The following WDR35 variants were observed in gnomAD, a reference collection of about 807,000 sequenced individuals.
The protein encoded by WDR35 is WD repeat-containing protein 35.
A neutral mutation model predicts 158.3 loss-of-function variants in WDR35; 118 were observed. The ratio of observed to expected loss-of-function variants is 0.75; its 90% confidence interval spans 0.64 to 0.87. The LOEUF (loss-of-function observed/expected upper bound fraction) is 0.87. WDR35 is among the 40% of genes least tolerant of loss of function. The probability of loss-of-function intolerance (pLI) is 0.00; values close to 1 mark genes in which losing one functional copy is unlikely to be tolerated. For synonymous variants in WDR35, 448 were observed against 476.1 expected (o/e 0.94, Z 0.77); for missense variants, 1,263 against 1,405.8 (o/e 0.90, Z 1.62).
At chr2:19,950,643 T>A (rs1208381143) in intron 13 of WDR35, among the ~76,000 whole-genome samples, 1 of 152,196 alleles carries the variant, frequency 6.6e-6, no homozygotes, top group Non-Finnish European at 1.5e-5. Flanking sequence ...CCTACTCCAA[T>A]GTCTCACACT....
At chr2:19,919,956 T>C (rs1186060792) in intron 25 of WDR35, among the ~76,000 whole-genome samples, 3 of 152,078 alleles carry the variant, frequency 2.0e-5, no homozygotes, top group Non-Finnish European at 4.4e-5. Flanking sequence ...TCAACACCTC[T>C]ATGCAAATAA....
At chr2:19,971,888 C>T (rs932150733) in intron 8 of WDR35, among the ~76,000 whole-genome samples, 1 of 152,214 alleles carries the variant, frequency 6.6e-6, no homozygotes, top group African/African-American at 2.4e-5. Context: ...TCATTGTAAT[C>T]TCCTTTAATC....
chr2:19,938,120 T>A (rs1224100569), intron 18 of WDR35, 145 bp downstream of exon 18: 1 of 1,413,344 alleles, frequency 7.1e-7, no homozygotes, highest in African/African-American at 1.4e-5. Flanking sequence ...GACTTCCAAA[T>A]CTAAATGAAT....
chr2:19,935,462 A>G lies in WDR35; in HGVS notation c.2547+9T>C. 1 of 1,612,406 alleles carries G rather than the reference A, an allele frequency of 6.2e-7. No homozygotes were observed. The highest frequency in any genetic ancestry group is 8.5e-7 in the Non-Finnish European group (1 of 1,179,342). On this transcript the variant is annotated intron_variant, in intron 21 of 26. Coordinates refer to ENST00000281405, the MANE Select transcript of WDR35 (RefSeq NM_020779.4). ...AACAATTCCAAAAACTAAAATTTGC[A>G]ATACCTACTGGAAGTAACTTGTGGT...
At chr2:19,940,476 A>G (rs1487644391) in intron 17 of WDR35, among the ~76,000 whole-genome samples, 1 of 152,254 alleles carries the variant, frequency 6.6e-6, no homozygotes, top group Non-Finnish European at 1.5e-5. Context: ...TTAGTTTTAC[A>G]AGTCATATAC....
At chr2:19,951,626 C>T in intron 12 of WDR35, 142 bp from the exon 13 acceptor site, 3 of 626,832 alleles carry the variant, frequency 4.8e-6, no homozygotes, top group Non-Finnish European at 8.0e-6. Context: ...GTTCTCAACA[C>T]AGTTAAATCT....
At chr2:19,980,993 C>A (rs569782134) in intron 3 of WDR35, among the ~76,000 whole-genome samples, 3 of 152,234 alleles carry the variant, frequency 2.0e-5, no homozygotes, top group Non-Finnish European at 4.4e-5. Flanking sequence ...TCATATCTAT[C>A]CCTATTTCAT....
Position 19,936,376 on chromosome 2 carries a change from A to G in WDR35, c.2268-11T>C. The G allele has an allele frequency of 1.2e-6, 2 of 1,613,842 alleles. No individual in the cohort carries two copies. Among genetic ancestry groups the G allele is most frequent in the Non-Finnish European group, 1.7e-6 (2 of 1,179,826 alleles). ...CCAATAGCAAGATCCCTACAAACAA[A>G]GGCATTCATTCATTCATTCATCTAT... On this transcript the variant is annotated splice_polypyrimidine_tract_variant and intron_variant, in intron 19 of 26. Transcript: ENST00000281405.
At chr2:19,946,057 G>A (rs1671041137) in intron 15 of WDR35, 61 bp from the exon 16 acceptor site, 4 of 1,509,666 alleles carry the variant, frequency 2.6e-6, no homozygotes, top group African/African-American at 1.4e-5. Context: ...GCAATCATGA[G>A]AATAATTACC....
chr2:19,914,914 G>C (rs1669946776), intron 25 of WDR35, among the ~76,000 whole-genome samples: 1 of 150,842 alleles, frequency 6.6e-6, no homozygotes, highest in African/African-American at 2.4e-5. Flanking sequence ...TCTTTAAAAT[G>C]CACTGTATTC....
Position 19,935,530 on chromosome 2 carries a change from C to T in WDR35, c.2488G>A (p.Asp830Asn), listed in dbSNP as rs1670663337. The change falls in exon 21 of 27, where the codon GAT becomes AAT. Residue 830 changes from aspartate (D) to asparagine (N), a missense_variant. Transcript: ENST00000281405. ...RLAECYYMLE[D>N]YEGLENLAIS... ...GCAAGGTTCTCTAACCCTTCATAAT[C>T]CTCTAACATATAGTAACATTCAGCT... is the stretch of plus-strand genomic sequence containing the variant. The T allele has an allele frequency of 2.6e-5, 42 of 1,613,152 alleles. No homozygotes were observed. The highest frequency in any genetic ancestry group is 3.6e-5 in the Non-Finnish European group (42 of 1,179,624).
At position 19,934,659 on chromosome 2, in the gene WDR35, G is replaced by A. The variant is rs556176602; in HGVS notation, c.2547+812C>T. ...GACACATCTAACAGACAACACTAAC[G>A]GAGTATACACTCTTCCCTATACCCA... On this transcript the variant is annotated intron_variant, in intron 21 of 26. Coordinates refer to ENST00000281405, the MANE Select transcript of WDR35 (RefSeq NM_020779.4). This position sits in a 1 kb window ranked among gnomAD's most constrained non-coding sequence, Gnocchi z 4.6. Among the ~76,000 whole-genome samples, 366 of 152,148 alleles carry A rather than the reference G, an allele frequency of 2.4e-3. 2 individuals are homozygous for A. Among genetic ancestry groups the A allele is most frequent in the Middle Eastern group, 0.01 (3 of 292 alleles).
intron 21 of WDR35, among the ~76,000 whole-genome samples, chr2:19,933,889 C>T (rs1259073802): frequency 2.6e-5 from 4 of 152,148 alleles, no homozygotes; most frequent in African/African-American, 9.7e-5. Flanking sequence ...TAACTAGAGA[C>T]TTAAGGGAAA....
At chr2:19,954,039 C>A in intron 11 of WDR35, 61 bp from the exon 12 acceptor site, 1 of 1,602,066 alleles carries the variant, frequency 6.2e-7, no homozygotes, top group East Asian at 2.2e-5. Flanking sequence ...GCTTGTGCTG[C>A]AAAGGCCTTT....
At chr2:19,980,866 G>T in intron 3 of WDR35, 83 bp from the exon 4 acceptor site, 1 of 1,238,284 alleles carries the variant, frequency 8.1e-7, no homozygotes, top group Non-Finnish European at 1.2e-6. Flanking sequence ...CCAAGATCAT[G>T]TTAAAATCAA....
chr2:19,940,715 T>C (rs1670845245), intron 17 of WDR35, among the ~76,000 whole-genome samples: 1 of 152,112 alleles, frequency 6.6e-6, no homozygotes, highest in South Asian at 2.1e-4. Context: ...TCAAACCACA[T>C]AAGCCCCTAT....
At chr2:19,988,059 C>T (rs1348320155) in intron 2 of WDR35, among the ~76,000 whole-genome samples, 1 of 151,952 alleles carries the variant, frequency 6.6e-6, no homozygotes, top group Non-Finnish European at 1.5e-5. Context: ...GTCCACTAGC[C>T]CTTTGTGTAG....
intron 25 of WDR35, among the ~76,000 whole-genome samples, chr2:19,923,572 T>C (rs1194322211): frequency 6.6e-6 from 1 of 152,214 alleles, no homozygotes; most frequent in African/African-American, 2.4e-5. Context: ...CCTATCCTTC[T>C]GCACCCCCTC....
chr2:19,977,207 C>A (rs951906054), intron 5 of WDR35, among the ~76,000 whole-genome samples: 1 of 152,202 alleles, frequency 6.6e-6, no homozygotes, highest in Non-Finnish European at 1.5e-5. Flanking sequence ...AATTACCATG[C>A]ATATGCTGGT....
Sources: allele counts gnomAD v4.1 joint callset (sites outside exome capture counted in the v4.1 genomes callset), GRCh38; gene constraint gnomAD v4.1.1; non-coding constraint Gnocchi (gnomAD v3.1); transcripts MANE v1.5; gene names NCBI Gene and HGNC (gene_info 2026-07-23, HGNC 2026-07-21).